NIPBL: variants seen among roughly 807,000 people sequenced by gnomAD.
NIPBL encodes nipped-B-like protein.
NIPBL carries 19 observed loss-of-function variants against 321.8 expected under a neutral mutation model. The observed-to-expected ratio is 0.06, with a 90% CI of 0.04 to 0.09. NIPBL has a LOEUF of 0.09. Among genes scored for constraint, NIPBL ranks in the 10% least tolerant of loss-of-function variants. The pLI is 1.00. For synonymous variants in NIPBL, 1,106 were observed against 1,114.1 expected (o/e 0.99, Z 0.14); for missense variants, 2,210 against 3,327.0 (o/e 0.66, Z 8.26).
intron 9 of NIPBL, among the ~76,000 whole-genome samples, chr5:36,980,253 CAT>C (rs1743984454): frequency 4.6e-5 from 7 of 151,630 alleles, no homozygotes; most frequent in African/African-American, 1.7e-4. Flanking sequence ...TCTGTGATGG[CAT>C]AGTTAACAGA....
At chr5:36,958,262 C>A (rs1377329627) in intron 4 of NIPBL, 31 bp downstream of exon 4, 2 of 1,607,762 alleles carry the variant, frequency 1.2e-6, no homozygotes, top group Non-Finnish European at 8.5e-7. Context: ...ATTCCCATAT[C>A]AAACTTGTTT....
chr5:37,053,033 T>C (rs1561216862), intron 42 of NIPBL, among the ~76,000 whole-genome samples: 1 of 152,170 alleles, frequency 6.6e-6, no homozygotes, highest in African/African-American at 2.4e-5. Flanking sequence ...TAAAGATACA[T>C]TTCATGACCC....
chr5:36,940,259 C>G (rs1384561852), intron 1 of NIPBL, among the ~76,000 whole-genome samples: 3 of 152,056 alleles, frequency 2.0e-5, no homozygotes, highest in African/African-American at 4.8e-5. Flanking sequence ...CAAAACTAAG[C>G]AATTTTTAAG....
chr5:36,910,485 C>T (rs1200939064), intron 1 of NIPBL, among the ~76,000 whole-genome samples: 1 of 152,130 alleles, frequency 6.6e-6, no homozygotes, highest in Non-Finnish European at 1.5e-5. Context: ...TTGTTGGGTC[C>T]AACTTGCACA....
chr5:37,041,591 C>T (rs1030525623), intron 34 of NIPBL, among the ~76,000 whole-genome samples: 3 of 148,174 alleles, frequency 2.0e-5, no homozygotes, highest in Non-Finnish European at 4.5e-5. Flanking sequence ...AAGACACAGT[C>T]TTGCTCTGTT....
chr5:37,040,851 T>G (rs566475130), intron 34 of NIPBL, among the ~76,000 whole-genome samples: 1 of 152,194 alleles, frequency 6.6e-6, no homozygotes, highest in African/African-American at 2.4e-5. Flanking sequence ...TATTTAGTAT[T>G]CTTTGCCAGT....
chr5:36,947,400 C>A (rs1444445948), intron 1 of NIPBL, among the ~76,000 whole-genome samples: 1 of 152,036 alleles, frequency 6.6e-6, no homozygotes, highest in Non-Finnish European at 1.5e-5. Context: ...TCCTCTGTCT[C>A]TTTCTCCCCC....
intron 1 of NIPBL, among the ~76,000 whole-genome samples, chr5:36,892,745 C>A (rs1020952999): frequency 1.3e-5 from 2 of 151,526 alleles, no homozygotes; most frequent in South Asian, 2.1e-4. Context: ...CAGTGAGAAC[C>A]CTTGGACACA....
chr5:36,942,457 A>G (rs1213010860), intron 1 of NIPBL, among the ~76,000 whole-genome samples: 277 of 139,828 alleles, frequency 2.0e-3, no homozygotes, highest in African/African-American at 7.2e-3. Flanking sequence ...AAAAAAAAAA[A>G]GGCCAGGTGC....
intron 1 of NIPBL, among the ~76,000 whole-genome samples, chr5:36,934,661 A>G (rs1284029060): frequency 1.3e-5 from 2 of 152,186 alleles, no homozygotes; most frequent in Non-Finnish European, 2.9e-5. Flanking sequence ...AGGGGAAATG[A>G]TTGTCACATT....
chr5:36,958,343 G>A lies in NIPBL; in HGVS notation c.358+112G>A, dbSNP rs777971010. On this transcript the variant is annotated intron_variant, in intron 4 of 46. Transcript: ENST00000282516. ...CAGGAATGCGATGTTTATGCCTTCA[G>A]TCAAGCCAAGAACAAGAAGGAAACT... 7.1e-5 allele frequency: 70 copies of A among 988,162 alleles called. No homozygotes were observed. The Middle Eastern group carries it at 2.4e-3, about 34-fold the overall frequency. The allele number at this position is 988,162 out of a possible 1,614,324, so 61.2% of individuals were successfully genotyped here. A position where few individuals can be genotyped will look rare whatever the true frequency, so the allele number is the denominator to read the frequency against.
At chr5:36,911,716 T>G (rs2149546474) in intron 1 of NIPBL, among the ~76,000 whole-genome samples, 1 of 152,252 alleles carries the variant, frequency 6.6e-6, no homozygotes, top group South Asian at 2.1e-4. Context: ...AATTGTGAAG[T>G]TTGCTAGGCA....
chr5:37,002,643 G>A lies in NIPBL; in HGVS notation c.3665-19G>A. 6.7e-7 allele frequency: 1 copy of A among 1,498,458 alleles called. No individual in the cohort carries two copies. The highest frequency in any genetic ancestry group is 9.3e-7 in the Non-Finnish European group (1 of 1,074,870). 92.8% of individuals were successfully genotyped at this position (1,498,458 alleles called of 1,614,324 possible). A position where few individuals can be genotyped will look rare whatever the true frequency, so the allele number is the denominator to read the frequency against. On this transcript the variant is annotated intron_variant, in intron 14 of 46. Transcript: ENST00000282516. Reference sequence around the variant, plus strand: ...ATTTACCTAAACTTTGTTTGTGTTTGTTTGGCTTGATTTTGCAGGTGATGA... The same window carrying A: ...ATTTACCTAAACTTTGTTTGTGTTTATTTGGCTTGATTTTGCAGGTGATGA...
At chr5:36,902,649 T>G (rs747782340) in intron 1 of NIPBL, among the ~76,000 whole-genome samples, 1 of 152,198 alleles carries the variant, frequency 6.6e-6, no homozygotes, top group Non-Finnish European at 1.5e-5. Flanking sequence ...ACTGTAGCCT[T>G]TTAGTATAGT....
intron 9 of NIPBL, chr5:36,982,164 G>T: frequency 1.1e-6 from 1 of 921,556 alleles, no homozygotes; most frequent in Non-Finnish European, 1.3e-6. Flanking sequence ...ATTTTCTTTA[G>T]GAATATATGT....
Position 36,941,427 on chromosome 5 carries a change from T to C in NIPBL, c.-79-12191T>C, listed in dbSNP as rs149099007. The stretch of plus-strand genomic sequence containing the variant: ...TCCTAATTATCTTCTTTAGGTACTT[T>C]AAAAAAAATCAATCAGCTATCACAT... On this transcript the variant is annotated intron_variant, in intron 1 of 46. Transcript: ENST00000282516. Among the ~76,000 whole-genome samples, 80 of 148,562 alleles carry C rather than the reference T, an allele frequency of 5.4e-4. No homozygotes were observed. The East Asian group carries it at 0.015, about 28-fold the overall frequency.
intron 2 of NIPBL, chr5:36,955,075 T>C (rs1299027881): frequency 5.5e-6 from 1 of 183,258 alleles, no homozygotes; most frequent in Non-Finnish European, 1.2e-5. Context: ...TTATGAAGAG[T>C]CAGATATTGT....
chr5:37,027,653 C>G (rs1432874887), intron 32 of NIPBL, among the ~76,000 whole-genome samples: 1 of 122,852 alleles, frequency 8.1e-6, no homozygotes, highest in Non-Finnish European at 1.6e-5. Context: ...CTCTCTCACT[C>G]TGTCGCCCAG....
At chr5:36,956,336 C>T (rs1002661723) in intron 3 of NIPBL, among the ~76,000 whole-genome samples, 4 of 152,090 alleles carry the variant, frequency 2.6e-5, no homozygotes, top group African/African-American at 7.2e-5. Flanking sequence ...TCATATTCCA[C>T]CACACAATGT....
Sources: gnomAD v4.1 joint callset for allele counts (sites outside exome capture counted in the v4.1 genomes callset) on GRCh38, gnomAD v4.1.1 for gene constraint, MANE v1.5 for transcripts, NCBI Gene and HGNC (gene_info 2026-07-23, HGNC 2026-07-21) for gene names.